Variants in DPY19L4 observed in about 807,000 individuals in gnomAD.
The protein encoded by DPY19L4 is probable C-mannosyltransferase DPY19L4.
DPY19L4 carries 97 observed loss-of-function variants against 102.8 expected under a neutral mutation model. That is an observed-to-expected ratio of 0.94 (90% CI 0.80 to 1.12). DPY19L4 has a LOEUF of 1.12. DPY19L4 is among the 50% of genes most tolerant of loss of function. The pLI is 0.00. For missense variants in DPY19L4, 815 were observed against 850.4 expected (o/e 0.96, Z 0.52); for synonymous variants, 252 against 283.1 (o/e 0.89, Z 1.10).
rs552809552 is a variant in DPY19L4, at chr8:94,738,953, T to A, written c.344-460T>A. Among the ~76,000 whole-genome samples the A allele has an allele frequency of 2.0e-5, 3 of 152,322 alleles. No individual in the cohort carries two copies. In the South Asian group the frequency reaches 6.2e-4, roughly 32 times the overall value. On this transcript the variant is annotated intron_variant, in intron 4 of 18. Coordinates refer to ENST00000414645, the MANE Select transcript of DPY19L4 (RefSeq NM_181787.3). ...TGATATTATACACAATGTATAATGA[T>A]CAAATCAGGGTAGTTAGTATATCCA... is the stretch of plus-strand genomic sequence containing the variant.
chr8:94,771,221 G>A (rs1387171352), intron 13 of DPY19L4, among the ~76,000 whole-genome samples: 2 of 152,094 alleles, frequency 1.3e-5, no homozygotes, highest in Non-Finnish European at 2.9e-5. Flanking sequence ...AGCAAAGATT[G>A]TCTTTTTTAA....
chr8:94,790,181 A>G lies in DPY19L4; in HGVS notation c.*271A>G, dbSNP rs111481640. On this transcript the variant is annotated 3_prime_UTR_variant, in exon 19 of 19. Transcript: ENST00000414645. Reference sequence around the variant, plus strand: ...GTCTTTAACACTTTTACTGATTGCAATATTTTCCCCATAAAATCTTCATTC... The same window carrying G: ...GTCTTTAACACTTTTACTGATTGCAGTATTTTCCCCATAAAATCTTCATTC... 615 of 231,672 alleles carry G rather than the reference A, an allele frequency of 2.7e-3. 7 individuals are homozygous for G. The highest frequency in any genetic ancestry group is 0.012 in the African/African-American group (551 of 44,402). 14.4% of individuals were successfully genotyped at this position (231,672 alleles called of 1,614,324 possible). A position where few individuals can be genotyped will look rare whatever the true frequency, so the allele number is the denominator to read the frequency against.
chr8:94,723,434 C>G (rs557645778), intron 1 of DPY19L4, among the ~76,000 whole-genome samples: 1 of 151,508 alleles, frequency 6.6e-6, no homozygotes, highest in African/African-American at 2.4e-5. Flanking sequence ...GATGGCACCA[C>G]TGCACTGCAG....
chr8:94,765,245 G>T lies in DPY19L4; in HGVS notation c.933G>T (p.Glu311Asp), dbSNP rs776381045. 7 of 1,609,424 alleles carry T rather than the reference G, an allele frequency of 4.3e-6. No individual in the cohort carries two copies. In the Admixed American group the frequency reaches 5.1e-5, roughly 12 times the overall value. ...TTCTGGGATATTTACTACAGTTTGA[G>T]AATCCAGCTTTGTTGGTATCTCCTT... ...SLFLGYLLQFENPALLVSPLL... is the reference protein window; with the variant it reads ...SLFLGYLLQFDNPALLVSPLL... The change falls in exon 9 of 19, where the codon GAG becomes GAT. Residue 311 changes from glutamate (E) to aspartate (D), a missense_variant. Physicochemically the swap from Glu to Asp is conservative, Grantham distance 45. Coordinates refer to ENST00000414645, the MANE Select transcript of DPY19L4 (RefSeq NM_181787.3).
At chr8:94,764,847 GCCT>G (rs1475586068) in intron 8 of DPY19L4, among the ~76,000 whole-genome samples, 3 of 145,100 alleles carry the variant, frequency 2.1e-5, no homozygotes, top group Non-Finnish European at 4.5e-5. Context: ...TCATGCCTCA[GCCT>G]CCCGAGTGGC....
intron 2 of DPY19L4, among the ~76,000 whole-genome samples, chr8:94,733,118 C>CTTTTTTT (rs34879619): frequency 1.4e-4 from 11 of 76,326 alleles, no homozygotes; most frequent in African/African-American, 3.5e-4. Flanking sequence ...TCATCTTAAC[C>CTTTTTTT]TTTTTTTTTT....
chr8:94,753,591 A>G (rs1358123496), intron 6 of DPY19L4, among the ~76,000 whole-genome samples: 2 of 152,120 alleles, frequency 1.3e-5, no homozygotes, highest in African/African-American at 4.8e-5. Context: ...GACTTGACAT[A>G]AGAAAGTGCG....
chr8:94,723,607 T>C (rs1810566845), intron 1 of DPY19L4, among the ~76,000 whole-genome samples: 1 of 152,222 alleles, frequency 6.6e-6, no homozygotes, highest in South Asian at 2.1e-4. Flanking sequence ...ACTTTGTTTT[T>C]CCATTATGAA....
At chr8:94,751,484 C>CTTATTTAT (rs561967857) in intron 6 of DPY19L4, among the ~76,000 whole-genome samples, 15 of 150,104 alleles carry the variant, frequency 1.0e-4, no homozygotes, top group Non-Finnish European at 1.3e-4. Flanking sequence ...TGTCTGGTTT[C>CTTATTTAT]TTATTTATTT....
At chr8:94,751,604 C>T (rs1179085512) in intron 6 of DPY19L4, among the ~76,000 whole-genome samples, 1 of 152,146 alleles carries the variant, frequency 6.6e-6, no homozygotes, top group Non-Finnish European at 1.5e-5. Context: ...CACTTCCTGC[C>T]TCAGCCTCCC....
intron 11 of DPY19L4, among the ~76,000 whole-genome samples, chr8:94,768,001 C>T (rs1812752109): frequency 6.6e-6 from 1 of 152,114 alleles, no homozygotes; most frequent in Non-Finnish European, 1.5e-5. Context: ...GAATTGGCCA[C>T]ATTTCAGCTG....
intron 6 of DPY19L4, among the ~76,000 whole-genome samples, chr8:94,744,120 C>T (rs1412105904): frequency 2.6e-5 from 4 of 152,206 alleles, no homozygotes; most frequent in Admixed American, 6.5e-5. Context: ...TCACATATTT[C>T]GGTGGGTCAG....
intron 6 of DPY19L4, chr8:94,744,525 G>A (rs988202291): frequency 1.8e-5 from 8 of 456,578 alleles, no homozygotes; most frequent in African/African-American, 1.4e-4. Flanking sequence ...TGACAACACA[G>A]GATATTAATA....
At chr8:94,747,040 A>G (rs570006973) in intron 6 of DPY19L4, among the ~76,000 whole-genome samples, 14 of 152,064 alleles carry the variant, frequency 9.2e-5, no homozygotes, top group Non-Finnish European at 1.6e-4. Flanking sequence ...AGTGATCAGA[A>G]CATTGGTTTT....
intron 13 of DPY19L4, among the ~76,000 whole-genome samples, chr8:94,775,518 G>T (rs1586409771): frequency 6.6e-6 from 1 of 152,080 alleles, no homozygotes; most frequent in Non-Finnish European, 1.5e-5. Context: ...GTAGAGACAG[G>T]GTCTAATTGT....
rs141766630 is a variant in DPY19L4 at position 94,726,361 on chromosome 8, A to C, written c.47A>C (p.Lys16Thr). The C allele has an allele frequency of 5.0e-6, 8 of 1,611,514 alleles. No individual in the cohort carries two copies. The African/African-American group carries it at 1.1e-4, about 22-fold the overall frequency. ...GPPVELRQRKKPKSSENKESA... is the reference protein window; with the variant it reads ...GPPVELRQRKTPKSSENKESA... ...CCTGTAGAGCTGCGCCAAAGAAAAAAGCCAAAGTCTTCAGAAAATAAGGAA... is the reference window on the plus strand; with the variant it reads ...CCTGTAGAGCTGCGCCAAAGAAAAACGCCAAAGTCTTCAGAAAATAAGGAA... The change falls in exon 2 of 19, where the codon AAG becomes ACG. Residue 16 changes from lysine to threonine, a missense_variant. Coordinates refer to ENST00000414645, the MANE Select transcript of DPY19L4 (RefSeq NM_181787.3).
intron 14 of DPY19L4, 141 bp downstream of exon 14, chr8:94,777,927 A>C: frequency 9.0e-7 from 1 of 1,115,184 alleles, no homozygotes; most frequent in Non-Finnish European, 1.2e-6. Context: ...CCTGCGCAAA[A>C]CATTTTTAAA....
At chr8:94,765,953 A>T (rs1375152756) in intron 10 of DPY19L4, 144 bp downstream of exon 10, 6 of 534,512 alleles carry the variant, frequency 1.1e-5, no homozygotes, top group Non-Finnish European at 3.3e-6. Flanking sequence ...TAACTAGCAT[A>T]CTGGGTAAGA....
At position 94,789,762 on chromosome 8, in the gene DPY19L4, G is replaced by A; in HGVS notation, c.2024G>A (p.Gly675Asp). The A allele has an allele frequency of 1.9e-6, 3 of 1,601,782 alleles. 1 individual carries two copies. Residue 675 changes from glycine (G) to aspartate (D), a missense_variant, in exon 19 of 19, where the codon GGT becomes GAT. Transcript: ENST00000414645. The stretch of plus-strand genomic sequence containing the variant: ...TTTTAATAGATGGTTTGTGAAGAAG[G>A]TGACAAGCTAACCTACTCAAAATAT... ...IANGHMVCEE[G>D]DKLTYSKYGR... is the part of the protein sequence containing the mutation.
Sources: allele counts gnomAD v4.1 joint callset (sites outside exome capture counted in the v4.1 genomes callset), GRCh38; gene constraint gnomAD v4.1.1; transcripts MANE v1.5; gene names NCBI Gene and HGNC (gene_info 2026-07-23, HGNC 2026-07-21).